UGT1A10: variants seen among roughly 807,000 people sequenced by gnomAD.
The protein encoded by UGT1A10 is UDP glucuronosyltransferase family 1 member A10.
Under a neutral mutation model 45.8 loss-of-function variants are expected in UGT1A10, and 49 were observed. The ratio of observed to expected loss-of-function variants is 1.07; its 90% confidence interval spans 0.85 to 1.36. The LOEUF is 1.36. Ranked by LOEUF, UGT1A10 falls within the 40% of genes most tolerant of loss-of-function variation. UGT1A10 has a pLI of 0.00. For synonymous variants in UGT1A10, 284 were observed against 249.7 expected, an observed-to-expected ratio of 1.14 and a Z score of -1.29; for missense variants, 745 against 668.6, an observed-to-expected ratio of 1.11 and a Z score of -1.26.
At chr2:233,707,711 C>T (rs4663325) in intron 1 of UGT1A10, among the ~76,000 whole-genome samples, 22,514 of 152,132 alleles carry the variant, frequency 0.15, 1,958 homozygotes, top group South Asian at 0.24. Flanking sequence ...CTTTTCACTA[C>T]TGTGAACAAT....
intron 1 of UGT1A10, chr2:233,743,270 C>T (rs538069492): frequency 2.1e-6 from 1 of 467,964 alleles, no homozygotes; most frequent in East Asian, 7.0e-5. Context: ...TCCTCCACTT[C>T]CACCCTTTCT....
chr2:233,748,612 C>T (rs570236786), intron 1 of UGT1A10, among the ~76,000 whole-genome samples: 2 of 151,726 alleles, frequency 1.3e-5, no homozygotes, highest in East Asian at 1.9e-4. Context: ...GAGCAACGAA[C>T]GTGGGATATA....
At chr2:233,658,305 A>G (rs2073898545) in intron 1 of UGT1A10, among the ~76,000 whole-genome samples, 2 of 152,052 alleles carry the variant, frequency 1.3e-5, no homozygotes, top group Admixed American at 6.6e-5. Context: ...AGGTGTGAGC[A>G]ATGGCACCCA....
intron 1 of UGT1A10, among the ~76,000 whole-genome samples, chr2:233,727,281 G>A (rs1431266686): frequency 6.6e-6 from 1 of 152,122 alleles, no homozygotes; most frequent in Non-Finnish European, 1.5e-5. Flanking sequence ...CCAGACCCTG[G>A]AAGCTGATGA....
chr2:233,705,088 A>G (rs1036319858), intron 1 of UGT1A10, among the ~76,000 whole-genome samples: 1 of 151,886 alleles, frequency 6.6e-6, no homozygotes, highest in Non-Finnish European at 1.5e-5. Flanking sequence ...GAGAGCCAAG[A>G]TCGTGCCATT....
intron 1 of UGT1A10, chr2:233,743,752 C>T (rs1459474773): frequency 7.3e-7 from 1 of 1,367,268 alleles, no homozygotes. Flanking sequence ...CGTCCGACAA[C>T]ACCTCGTAGG....
intron 1 of UGT1A10, among the ~76,000 whole-genome samples, chr2:233,669,793 C>G (rs28970007): frequency 6.6e-6 from 1 of 152,148 alleles, no homozygotes; most frequent in African/African-American, 2.4e-5. Flanking sequence ...AAGTGATTCT[C>G]CTGCCTCAGC....
Position 233,760,817 on chromosome 2 carries a change from G to A in UGT1A10, c.856-6217G>A, listed in dbSNP as rs1373930486. 1 of 1,613,516 alleles carries A rather than the reference G, an allele frequency of 6.2e-7. No individual in the cohort carries two copies. Among genetic ancestry groups the A allele is most frequent in the South Asian group, 1.1e-5 (1 of 91,054 alleles). ...GTATTCTTCTTGCATGCACTGCCAT[G>A]CAGCCTGGAATTTGAGGCTACCCAG... On this transcript the variant is annotated intron_variant, in intron 1 of 4. Transcript: ENST00000344644.
intron 1 of UGT1A10, chr2:233,760,312 C>A (rs370790922): frequency 6.2e-7 from 1 of 1,613,816 alleles, no homozygotes; most frequent in Non-Finnish European, 8.5e-7. Flanking sequence ...CCAGGGCGGA[C>A]GCCCACTTGT....
intron 1 of UGT1A10, chr2:233,719,279 C>G (rs371816622): frequency 1.2e-6 from 2 of 1,613,960 alleles, no homozygotes; most frequent in Non-Finnish European, 1.7e-6. Context: ...TAACAGACCC[C>G]GTTAACCTCT....
At chr2:233,675,526 C>T (rs932255711) in intron 1 of UGT1A10, among the ~76,000 whole-genome samples, 1 of 152,212 alleles carries the variant, frequency 6.6e-6, no homozygotes, top group East Asian at 1.9e-4. Flanking sequence ...ATCTGTGCTT[C>T]CCCCCTTGCT....
chr2:233,724,379 C>T (rs1274419342), intron 1 of UGT1A10, among the ~76,000 whole-genome samples: 6 of 145,710 alleles, frequency 4.1e-5, no homozygotes, highest in African/African-American at 7.6e-5. Flanking sequence ...GGCTGCCGGG[C>T]GGAGACGCTC....
chr2:233,674,617 A>G (rs2074290357), intron 1 of UGT1A10, among the ~76,000 whole-genome samples: 6 of 150,600 alleles, frequency 4.0e-5, no homozygotes, highest in African/African-American at 1.5e-4. Flanking sequence ...ATCAAACTAT[A>G]TATGGTTTCA....
At chr2:233,712,231 G>A (rs2076220383) in intron 1 of UGT1A10, among the ~76,000 whole-genome samples, 1 of 152,202 alleles carries the variant, frequency 6.6e-6, no homozygotes, top group African/African-American at 2.4e-5. Context: ...AACCCACCAT[G>A]GGTCTTTGCT....
intron 1 of UGT1A10, among the ~76,000 whole-genome samples, chr2:233,651,424 A>G (rs2073738665): frequency 6.6e-6 from 1 of 152,224 alleles, no homozygotes; most frequent in South Asian, 2.1e-4. Context: ...TTACATGTCT[A>G]AAAAATACAT....
At chr2:233,715,207 AC>A (rs1408524816) in intron 1 of UGT1A10, among the ~76,000 whole-genome samples, 1 of 152,002 alleles carries the variant, frequency 6.6e-6, no homozygotes, top group East Asian at 1.9e-4. Flanking sequence ...CTTTTAAAAG[AC>A]CCTCTACTGA....
chr2:233,688,463 T>A (rs1329783133), intron 1 of UGT1A10, among the ~76,000 whole-genome samples: 1 of 152,198 alleles, frequency 6.6e-6, no homozygotes, highest in Non-Finnish European at 1.5e-5. Flanking sequence ...AGGAAACTTC[T>A]TGGGAAATGT....
intron 1 of UGT1A10, among the ~76,000 whole-genome samples, chr2:233,640,689 C>T (rs1424673785): frequency 6.6e-6 from 1 of 152,092 alleles, no homozygotes; most frequent in Non-Finnish European, 1.5e-5. Context: ...CAACAGTGAC[C>T]CTCCCCAATT....
At chr2:233,663,743 T>C (rs1330637498) in intron 1 of UGT1A10, among the ~76,000 whole-genome samples, 1 of 152,204 alleles carries the variant, frequency 6.6e-6, no homozygotes, top group Non-Finnish European at 1.5e-5. Context: ...GTTCAGTCTA[T>C]GTCCAGGAAT....
Sources: allele counts gnomAD v4.1 joint callset (sites outside exome capture counted in the v4.1 genomes callset), GRCh38; gene constraint gnomAD v4.1.1; transcripts MANE v1.5; gene names NCBI Gene and HGNC (gene_info 2026-07-23, HGNC 2026-07-21).